DPP10: variants seen among roughly 807,000 people sequenced by gnomAD.
DPP10 encodes inactive dipeptidyl peptidase 10.
Under a neutral mutation model 120.9 loss-of-function variants are expected in DPP10, and 33 were observed. The observed-to-expected ratio is 0.27, with a 90% confidence interval of 0.21 to 0.37. The LOEUF (loss-of-function observed/expected upper bound fraction) is 0.37. Among genes scored for constraint, DPP10 ranks in the 10% least tolerant of loss-of-function variants. DPP10 has a pLI of 1.00. For missense variants in DPP10, 816 were observed against 942.8 expected (o/e 0.87, Z 1.76); for synonymous variants, 337 against 326.1 (o/e 1.03, Z -0.36).
At chr2:114,852,666 G>T (rs934030528) in intron 1 of DPP10, among the ~76,000 whole-genome samples, 1 of 152,026 alleles carries the variant, frequency 6.6e-6, no homozygotes, top group Non-Finnish European at 1.5e-5. Flanking sequence ...TGGATATCGT[G>T]GAACAACTGT....
At chr2:115,247,557 T>C (rs1333560196) in intron 1 of DPP10, among the ~76,000 whole-genome samples, 1 of 152,018 alleles carries the variant, frequency 6.6e-6, no homozygotes, top group Non-Finnish European at 1.5e-5. Flanking sequence ...GATAGAAGAA[T>C]GTATTAGGGT....
At chr2:115,567,260 A>G (rs1350585881) in intron 5 of DPP10, among the ~76,000 whole-genome samples, 1 of 152,138 alleles carries the variant, frequency 6.6e-6, no homozygotes, top group African/African-American at 2.4e-5. Flanking sequence ...ACAAAAATGT[A>G]TAATAAAGGA....
intron 5 of DPP10, among the ~76,000 whole-genome samples, chr2:115,680,848 C>T (rs770389526): frequency 1.3e-5 from 2 of 151,484 alleles, no homozygotes; most frequent in Non-Finnish European, 3.0e-5. Context: ...TTTTAGAGAT[C>T]AATAAGAAAA....
intron 1 of DPP10, among the ~76,000 whole-genome samples, chr2:115,097,047 GA>G (rs1177349396): frequency 6.6e-6 from 1 of 152,126 alleles, no homozygotes; most frequent in Non-Finnish European, 1.5e-5. Flanking sequence ...ACACTCTTGT[GA>G]AAATAACCAC....
intron 1 of DPP10, among the ~76,000 whole-genome samples, chr2:114,637,838 G>T (rs1270460333): frequency 6.6e-6 from 1 of 151,750 alleles, no homozygotes. Flanking sequence ...TGTTCCATTG[G>T]TCTGTATGTC....
chr2:115,697,959 C>T lies in DPP10; in HGVS notation c.576+8038C>T, dbSNP rs935172275. Among the ~76,000 whole-genome samples the T allele has an allele frequency of 5.9e-5, 9 of 152,122 alleles. No individual in the cohort carries two copies. The South Asian group carries it at 1.0e-3, about 18-fold the overall frequency. ...ATGTGCCACTGCACTCCAGCTTGGG[C>T]GAGAGAGCGAGACTCCATCTTAAAA... On this transcript the variant is annotated intron_variant, in intron 7 of 25. Coordinates refer to ENST00000410059, the MANE Select transcript of DPP10 (RefSeq NM_020868.6).
chr2:114,607,614 C>T (rs1558927847), intron 1 of DPP10, among the ~76,000 whole-genome samples: 2 of 152,166 alleles, frequency 1.3e-5, no homozygotes, highest in African/African-American at 2.4e-5. Context: ...GATTCCTTCA[C>T]AGCATTTACT....
chr2:114,956,290 A>T (rs1698192722), intron 1 of DPP10, among the ~76,000 whole-genome samples: 1 of 152,100 alleles, frequency 6.6e-6, no homozygotes, highest in Admixed American at 6.5e-5. Context: ...ATTCCTTTAT[A>T]CTAACAACAA....
intron 5 of DPP10, among the ~76,000 whole-genome samples, chr2:115,559,928 A>G (rs1232644133): frequency 6.6e-6 from 1 of 152,122 alleles, no homozygotes; most frequent in Non-Finnish European, 1.5e-5. Flanking sequence ...CCAAGCTTCC[A>G]TGGTTTTAGA....
intron 1 of DPP10, among the ~76,000 whole-genome samples, chr2:114,974,429 T>C (rs201151021): frequency 6.6e-6 from 1 of 151,306 alleles, no homozygotes; most frequent in East Asian, 1.9e-4. Flanking sequence ...TTTTTTTTTT[T>C]TTTTTTGAAG....
chr2:115,428,703 G>A (rs1441620927), intron 3 of DPP10, among the ~76,000 whole-genome samples: 9 of 152,150 alleles, frequency 5.9e-5, no homozygotes, highest in Non-Finnish European at 1.2e-4. Context: ...TCCCAGTGCC[G>A]TAAAGAAATA....
chr2:115,585,160 T>C (rs2082213560), intron 5 of DPP10, among the ~76,000 whole-genome samples: 1 of 152,160 alleles, frequency 6.6e-6, no homozygotes, highest in African/African-American at 2.4e-5. Flanking sequence ...GAGGGCAAAA[T>C]ATTGCTTGTC....
intron 1 of DPP10, among the ~76,000 whole-genome samples, chr2:114,667,205 T>G (rs933717061): frequency 5.3e-5 from 8 of 152,230 alleles, no homozygotes; most frequent in Non-Finnish European, 8.8e-5. Flanking sequence ...ACAAATATTA[T>G]GTACCAGACA....
At chr2:115,502,089 A>G (rs901891782) in intron 4 of DPP10, among the ~76,000 whole-genome samples, 1 of 152,042 alleles carries the variant, frequency 6.6e-6, no homozygotes, top group African/African-American at 2.4e-5. Context: ...TATGACTACA[A>G]ATTTATTTTT....
chr2:115,291,004 T>C (rs1259177148), intron 1 of DPP10, among the ~76,000 whole-genome samples: 3 of 152,102 alleles, frequency 2.0e-5, no homozygotes, highest in African/African-American at 7.2e-5. Flanking sequence ...GCTTTGTCCC[T>C]GAGTTTATTA....
chr2:114,459,674 G>A (rs2104561256), intron 1 of DPP10, among the ~76,000 whole-genome samples: 1 of 152,094 alleles, frequency 6.6e-6, no homozygotes, highest in South Asian at 2.1e-4. Context: ...AAATAACAAT[G>A]GATAATCATC....
chr2:115,791,414 C>A, intron 19 of DPP10, 58 bp downstream of exon 19: 2 of 1,429,828 alleles, frequency 1.4e-6, no homozygotes, highest in South Asian at 1.3e-5. Context: ...ATTTTTGTGT[C>A]TCACATGACA....
intron 2 of DPP10, among the ~76,000 whole-genome samples, chr2:115,339,146 G>A (rs1390177356): frequency 6.6e-6 from 1 of 152,100 alleles, no homozygotes; most frequent in Non-Finnish European, 1.5e-5. Flanking sequence ...TAGAAAGTGG[G>A]CGAATGACAT....
chr2:114,905,465 T>C (rs1030800240), intron 1 of DPP10, among the ~76,000 whole-genome samples: 4 of 152,192 alleles, frequency 2.6e-5, no homozygotes, highest in South Asian at 2.1e-4. Context: ...ACATTTTTAG[T>C]TTATTTTATT....
Sources: gnomAD v4.1 joint callset for allele counts (sites outside exome capture counted in the v4.1 genomes callset) on GRCh38, gnomAD v4.1.1 for gene constraint, MANE v1.5 for transcripts, NCBI Gene and HGNC (gene_info 2026-07-23, HGNC 2026-07-21) for gene names.